Variants in CDYL2 observed in about 807,000 individuals in gnomAD.
CDYL2 encodes chromodomain Y like 2.
Under a neutral mutation model 49.4 loss-of-function variants are expected in CDYL2, and 23 were observed. The ratio of observed to expected loss-of-function variants is 0.47; its 90% CI spans 0.34 to 0.66. The LOEUF (loss-of-function observed/expected upper bound fraction) is 0.66. CDYL2 is among the 30% of genes least tolerant of loss of function. CDYL2 has a pLI of 0.01. For missense variants in CDYL2, 678 were observed against 656.4 expected (o/e 1.03, Z -0.36); for synonymous variants, 360 against 268.8 (o/e 1.34, Z -3.32).
chr16:80,641,062 TC>T (rs35446876), intron 2 of CDYL2, among the ~76,000 whole-genome samples: 1 of 151,920 alleles, frequency 6.6e-6, no homozygotes, highest in Non-Finnish European at 1.5e-5. Context: ...ACAGAGAACT[TC>T]CCAAGCCTAG....
intron 2 of CDYL2, among the ~76,000 whole-genome samples, chr16:80,666,650 G>A (rs1909277312): frequency 6.6e-6 from 1 of 152,126 alleles, no homozygotes. Flanking sequence ...GACAAAATAC[G>A]GGCTTTCCAG....
chr16:80,607,816 A>G lies in CDYL2; in HGVS notation c.1362+276T>C, dbSNP rs548769843. Among the ~76,000 whole-genome samples the G allele has an allele frequency of 2.0e-4, 31 of 152,182 alleles. 1 individual carries two copies. The highest frequency in any genetic ancestry group is 5.9e-4 in the Admixed American group (9 of 15,290). On this transcript the variant is annotated intron_variant, in intron 6 of 6. Transcript: ENST00000570137. ...GTTTTGCGTTTTTGTGGTGTTTAGGACTTTCTTTGAAAGCAGTGACGCTAC... is the reference window on the plus strand; with the variant it reads ...GTTTTGCGTTTTTGTGGTGTTTAGGGCTTTCTTTGAAAGCAGTGACGCTAC...
At chr16:80,738,741 T>G (rs571932074) in intron 1 of CDYL2, 1 of 152,358 alleles carries the variant, frequency 6.6e-6, no homozygotes. Context: ...CTTGTACACT[T>G]TCAATTGGTG....
chr16:80,607,491 C>A, intron 6 of CDYL2, among the ~76,000 whole-genome samples: 1 of 152,308 alleles, frequency 6.6e-6, no homozygotes, highest in South Asian at 2.1e-4. Flanking sequence ...GCCCTGGGGC[C>A]GCAGGAGTGG....
chr16:80,641,479 A>C (rs546265430), intron 2 of CDYL2, among the ~76,000 whole-genome samples: 1 of 152,248 alleles, frequency 6.6e-6, no homozygotes, highest in Non-Finnish European at 1.5e-5. Flanking sequence ...TCTCTCCCAC[A>C]AGAAATGCCT....
chr16:80,696,811 T>G (rs1022450112), intron 1 of CDYL2, among the ~76,000 whole-genome samples: 1 of 151,918 alleles, frequency 6.6e-6, no homozygotes, highest in South Asian at 2.1e-4. Context: ...ACTCTAAAAC[T>G]AATTCTTCTC....
chr16:80,794,059 T>C (rs1907691756), intron 1 of CDYL2, among the ~76,000 whole-genome samples: 2 of 152,342 alleles, frequency 1.3e-5, no homozygotes. Context: ...ATCCTGAAGT[T>C]TGAAATCAGA....
intron 1 of CDYL2, among the ~76,000 whole-genome samples, chr16:80,713,782 A>G (rs989640754): frequency 6.6e-6 from 1 of 151,994 alleles, no homozygotes; most frequent in East Asian, 1.9e-4. Context: ...AGTGACATTC[A>G]TTTCCACTCT....
chr16:80,775,423 A>T (rs1907048963), intron 1 of CDYL2, among the ~76,000 whole-genome samples: 1 of 151,916 alleles, frequency 6.6e-6, no homozygotes, highest in Non-Finnish European at 1.5e-5. Context: ...AGAAGAAATA[A>T]AGTGTCTAAG....
At position 80,612,928 on chromosome 16, in the gene CDYL2, C is replaced by T. The variant is rs1906668005; in HGVS notation, c.1008-92G>A. 3.3e-6 allele frequency: 4 copies of T among 1,211,276 alleles called. No homozygotes were observed. The African/African-American group carries it at 6.2e-5, about 19-fold the overall frequency. The allele number at this position is 1,211,276 out of a possible 1,614,324, so 75.0% of individuals were successfully genotyped here. On this transcript the variant is annotated intron_variant, in intron 4 of 6. Coordinates refer to ENST00000570137, the MANE Select transcript of CDYL2 (RefSeq NM_152342.4). The surrounding 1 kb of genome is among the most constrained non-coding windows in gnomAD (Gnocchi z 5.0). ...ACTCTCCCAGGTGCTGTGAGGAGCACCCTCAGGTCGTCAGAGGTTAGAGGT... is the reference window on the plus strand; with the variant it reads ...ACTCTCCCAGGTGCTGTGAGGAGCATCCTCAGGTCGTCAGAGGTTAGAGGT...
At chr16:80,660,802 T>C (rs1909009804) in intron 2 of CDYL2, among the ~76,000 whole-genome samples, 2 of 152,056 alleles carry the variant, frequency 1.3e-5, no homozygotes, top group Admixed American at 6.5e-5. Context: ...AATAGAGAAA[T>C]GCCAGAAGGA....
chr16:80,708,491 A>G (rs1004488954), intron 1 of CDYL2, among the ~76,000 whole-genome samples: 7 of 152,140 alleles, frequency 4.6e-5, no homozygotes, highest in Admixed American at 4.6e-4. Context: ...TTTAGAAATT[A>G]CCCAGTCTCG....
At chr16:80,746,921 G>C (rs537410200) in intron 1 of CDYL2, among the ~76,000 whole-genome samples, 1 of 152,084 alleles carries the variant, frequency 6.6e-6, no homozygotes, top group East Asian at 1.9e-4. Context: ...AAAATTAATA[G>C]AACTGCAAAT....
At chr16:80,709,879 T>A (rs1904534745) in intron 1 of CDYL2, among the ~76,000 whole-genome samples, 1 of 152,086 alleles carries the variant, frequency 6.6e-6, no homozygotes, top group South Asian at 2.1e-4. Context: ...CCAATCCTAC[T>A]TTTTCCGTAA....
At chr16:80,709,248 G>A (rs1477908441) in intron 1 of CDYL2, among the ~76,000 whole-genome samples, 4 of 152,080 alleles carry the variant, frequency 2.6e-5, no homozygotes. Context: ...TGGGTGTGGT[G>A]GCGTGCACCT....
intron 4 of CDYL2, among the ~76,000 whole-genome samples, chr16:80,620,050 A>G (rs1160996516): frequency 6.6e-6 from 1 of 152,216 alleles, no homozygotes; most frequent in Admixed American, 6.5e-5. Flanking sequence ...CTGATTCCTA[A>G]GCAAGATACA....
chr16:80,643,185 T>G (rs1258975990), intron 2 of CDYL2, among the ~76,000 whole-genome samples: 1 of 152,078 alleles, frequency 6.6e-6, no homozygotes, highest in Non-Finnish European at 1.5e-5. Context: ...CCCAGGCAAT[T>G]CCAAAATCCA....
chr16:80,737,720 T>G (rs889803102), intron 1 of CDYL2, among the ~76,000 whole-genome samples: 1 of 152,156 alleles, frequency 6.6e-6, no homozygotes, highest in African/African-American at 2.4e-5. Flanking sequence ...ATCCAGAGTT[T>G]CCGATTCAGT....
intron 1 of CDYL2, among the ~76,000 whole-genome samples, chr16:80,758,773 A>T (rs1906409005): frequency 6.6e-6 from 1 of 151,384 alleles, no homozygotes; most frequent in Admixed American, 6.6e-5. Flanking sequence ...CAATCTCCTG[A>T]CCTCCTGATC....
Sources: allele counts gnomAD v4.1 joint callset (sites outside exome capture counted in the v4.1 genomes callset), GRCh38; gene constraint gnomAD v4.1.1; non-coding constraint Gnocchi (gnomAD v3.1); transcripts MANE v1.5; gene names NCBI Gene and HGNC (gene_info 2026-07-23, HGNC 2026-07-21).